IL10RB: variants seen among roughly 807,000 people sequenced by gnomAD.
The protein encoded by IL10RB is interleukin 10 receptor subunit beta.
IL10RB carries 30 observed loss-of-function variants against 38.7 expected under a neutral mutation model. That is an observed-to-expected ratio of 0.78 (90% CI 0.58 to 1.05). The LOEUF is 1.05. Ranked by LOEUF, IL10RB falls within the 50% of genes least tolerant of loss-of-function variation. The pLI is 0.00. For synonymous variants in IL10RB, 142 were observed against 145.9 expected (o/e 0.97, Z 0.19); for missense variants, 328 against 397.1 (o/e 0.83, Z 1.48).
intron 6 of IL10RB, among the ~76,000 whole-genome samples, chr21:33,295,536 G>C (rs958816972): frequency 5.3e-5 from 8 of 149,878 alleles, no homozygotes; most frequent in Non-Finnish European, 1.0e-4. Context: ...GCCAGGCATG[G>C]TGGCGGGCAC....
At position 33,267,342 on chromosome 21, in the gene IL10RB, A is replaced by G. The variant is rs140952927; in HGVS notation, c.49+828A>G. ...GGGATTTCAGCCAAACCCTGGCATT[A>G]AACACGGGCTATAGGCCCATGACTC... is the stretch of plus-strand genomic sequence containing the variant. On this transcript the variant is annotated intron_variant, in intron 1 of 6. Coordinates refer to ENST00000290200, the MANE Select transcript of IL10RB (RefSeq NM_000628.5). 2.4e-3 allele frequency among the ~76,000 whole-genome samples: 371 copies of G among 152,164 alleles called. 2 individuals carry two copies. Among genetic ancestry groups the G allele is most frequent in the African/African-American group, 8.5e-3 (352 of 41,488 alleles).
At chr21:33,267,910 G>A (rs1343450311) in intron 1 of IL10RB, 2 of 242,484 alleles carry the variant, frequency 8.2e-6, no homozygotes, top group Non-Finnish European at 8.2e-6. Context: ...TCATCTGGCT[G>A]TCTCCCTGAC....
chr21:33,296,811 G>A lies in IL10RB; in HGVS notation c.*454G>A. 1 of 346,240 alleles carries A rather than the reference G, an allele frequency of 2.9e-6. No homozygotes were observed. 21.4% of individuals were successfully genotyped at this position (346,240 alleles called of 1,614,324 possible). A position where few individuals can be genotyped will look rare whatever the true frequency, so the allele number is the denominator to read the frequency against. On this transcript the variant is annotated 3_prime_UTR_variant, in exon 7 of 7. Transcript: ENST00000290200. ...AAAAATACAAAAATTAGCTAGGCAT[G>A]ATGGCGCATGCCTATAATCCCAGCT...
chr21:33,279,918 G>T lies in IL10RB; in HGVS notation c.498G>T (p.Lys166Asn). The T allele has an allele frequency of 6.2e-7, 1 of 1,613,190 alleles. No individual in the cohort carries two copies. Among genetic ancestry groups the T allele is most frequent in the Non-Finnish European group, 8.5e-7 (1 of 1,179,324 alleles). The change falls in exon 4 of 7, where the codon AAG (lysine) becomes AAT (asparagine). Residue 166 changes from lysine to asparagine, a missense_variant and splice_region_variant. Lys to Asn is a moderately conservative substitution (Grantham distance 94). Coordinates refer to ENST00000290200, the MANE Select transcript of IL10RB (RefSeq NM_000628.5). Reference protein sequence around the residue: ...VQYWKNGTDEKFQITPQYDFE... With the variant: ...VQYWKNGTDENFQITPQYDFE... ...ACTGGAAAAACGGTACTGATGAAAAGGTAAGGTTGGCTAATTGCATTTCAG... is the reference window on the plus strand; with the variant it reads ...ACTGGAAAAACGGTACTGATGAAAATGTAAGGTTGGCTAATTGCATTTCAG...
At chr21:33,272,844 G>C (rs1989105735) in intron 2 of IL10RB, among the ~76,000 whole-genome samples, 2 of 152,208 alleles carry the variant, frequency 1.3e-5, no homozygotes, top group South Asian at 4.1e-4. Flanking sequence ...TCAGGAGATT[G>C]TATTTCCCTA....
At chr21:33,285,529 C>T (rs1423888905) in intron 5 of IL10RB, among the ~76,000 whole-genome samples, 3 of 152,126 alleles carry the variant, frequency 2.0e-5, no homozygotes, top group Admixed American at 6.5e-5. Flanking sequence ...TCTCCTGCCC[C>T]CTGTGGAACT....
At chr21:33,292,770 C>T (rs781144710) in intron 6 of IL10RB, among the ~76,000 whole-genome samples, 2 of 152,188 alleles carry the variant, frequency 1.3e-5, no homozygotes, top group African/African-American at 2.4e-5. Flanking sequence ...TTTTCCCACC[C>T]CAGACACTTC....
chr21:33,289,402 G>A (rs1364224405), intron 6 of IL10RB, among the ~76,000 whole-genome samples: 1 of 150,536 alleles, frequency 6.6e-6, no homozygotes, highest in Non-Finnish European at 1.5e-5. Context: ...CTGGTGTCGG[G>A]ACCACAAAGG....
intron 6 of IL10RB, among the ~76,000 whole-genome samples, chr21:33,289,384 CGCT>C (rs377486687): frequency 6.6e-6 from 1 of 152,160 alleles, no homozygotes; most frequent in African/African-American, 2.4e-5. Context: ...CAGCCCCCAC[CGCT>C]GCTGCTGGTG....
At chr21:33,269,953 C>T (rs978798990) in intron 2 of IL10RB, among the ~76,000 whole-genome samples, 8 of 152,198 alleles carry the variant, frequency 5.3e-5, no homozygotes, top group African/African-American at 1.2e-4. Flanking sequence ...CCACCACGCC[C>T]GGCCCAGGTT....
In IL10RB at chr21:33,293,824, A is replaced by G. The variant is rs577511615; in HGVS notation, c.805-2360A>G. Among the ~76,000 whole-genome samples, 7 of 147,640 alleles carry G rather than the reference A, an allele frequency of 4.7e-5. No homozygotes were observed. In the East Asian group the frequency reaches 1.4e-3, roughly 29 times the overall value. On this transcript the variant is annotated intron_variant, in intron 6 of 6. Transcript: ENST00000290200. ...TCGATCTCAAAAAAAAAAAAAAAGT[A>G]CCAAGGAGACTGCAGCACCAGCATG...
intron 6 of IL10RB, among the ~76,000 whole-genome samples, chr21:33,292,945 G>A (rs1174968867): frequency 6.6e-6 from 1 of 152,188 alleles, no homozygotes; most frequent in African/African-American, 2.4e-5. Flanking sequence ...CCTCCTGTGT[G>A]GTTTGATAAA....
At chr21:33,276,841 T>G (rs1307102288) in intron 3 of IL10RB, 88 bp downstream of exon 3, 12 of 1,084,332 alleles carry the variant, frequency 1.1e-5, no homozygotes, top group Non-Finnish European at 1.7e-5. Context: ...CAAGAATTCT[T>G]TGAGGGCCCA....
intron 1 of IL10RB, among the ~76,000 whole-genome samples, chr21:33,305,524 C>T (rs1353379711): frequency 6.6e-6 from 1 of 152,144 alleles, no homozygotes; most frequent in Admixed American, 6.5e-5. Context: ...TGACACACTC[C>T]AACAGAGTAA....
rs1157096197 is a variant in IL10RB, at chr21:33,283,178, C to T, written c.583C>T (p.Leu195Phe). 2 of 1,614,098 alleles carry T rather than the reference C, an allele frequency of 1.2e-6. No individual in the cohort carries two copies. Among genetic ancestry groups the T allele is most frequent in the Admixed American group, 3.3e-5 (2 of 60,014 alleles). ...TTYCVQVRGF[L>F]PDRNKAGEWS... ...TTATTGTGTTCAAGTTCGAGGGTTT[C>T]TTCCTGATCGGAACAAAGCTGGGGA... Residue 195 changes from leucine to phenylalanine, a missense_variant, in exon 5 of 7, where the codon CTT becomes TTT. By Grantham distance (22) the Leu-to-Phe change is conservative. Transcript: ENST00000290200.
intron 6 of IL10RB, chr21:33,293,957 C>G (rs1482377545): frequency 6.4e-6 from 3 of 470,704 alleles, no homozygotes; most frequent in East Asian, 1.4e-4. Flanking sequence ...TAACTGAGAA[C>G]CAAAAGGAAA....
chr21:33,285,160 G>C (rs1989351058), intron 5 of IL10RB, among the ~76,000 whole-genome samples: 1 of 152,112 alleles, frequency 6.6e-6, no homozygotes, highest in Non-Finnish European at 1.5e-5. Flanking sequence ...CAAAGTGCTG[G>C]GGTTACAGGT....
chr21:33,273,670 A>G (rs1330791610), intron 2 of IL10RB, among the ~76,000 whole-genome samples: 1 of 152,258 alleles, frequency 6.6e-6, no homozygotes, highest in Non-Finnish European at 1.5e-5. Flanking sequence ...TTTTACTCAC[A>G]GAAGAACTTC....
rs557191422 is a variant in IL10RB, at chr21:33,289,958, C to T, written c.804+1697C>T. Among the ~76,000 whole-genome samples, 15 of 152,132 alleles carry T rather than the reference C, an allele frequency of 9.9e-5. No individual in the cohort carries two copies. In the East Asian group the frequency reaches 2.9e-3, roughly 29 times the overall value. On this transcript the variant is annotated intron_variant, in intron 6 of 6. Coordinates refer to ENST00000290200, the MANE Select transcript of IL10RB (RefSeq NM_000628.5). ...TGAAACCCCGTCTCTACTAAAAATA[C>T]AAAAAATTAGCCAGGCGTGGTGGCG...
Sources: gnomAD v4.1 joint callset for allele counts (sites outside exome capture counted in the v4.1 genomes callset) on GRCh38, gnomAD v4.1.1 for gene constraint, MANE v1.5 for transcripts, NCBI Gene and HGNC (gene_info 2026-07-23, HGNC 2026-07-21) for gene names.